The following SCN1A variants were observed in gnomAD, a reference collection of about 807,000 sequenced individuals.
The protein encoded by SCN1A is sodium voltage-gated channel alpha subunit 1, also known as sodium channel protein type 1 subunit alpha.
Under a neutral mutation model 193.7 loss-of-function variants are expected in SCN1A, and 13 were observed. That is an observed-to-expected ratio of 0.07 (90% CI 0.04 to 0.11). The LOEUF (loss-of-function observed/expected upper bound fraction) is 0.11. SCN1A is among the 10% of genes least tolerant of loss of function. The probability of loss-of-function intolerance (pLI) is 1.00; values close to 1 mark genes in which losing one functional copy is unlikely to be tolerated. For missense variants in SCN1A, 1,432 were observed against 2,451.1 expected, an observed-to-expected ratio of 0.58 and a Z score of 8.78; for synonymous variants, 781 against 843.6, an observed-to-expected ratio of 0.93 and a Z score of 1.29.
rs150154265 is a variant in SCN1A at position 166,036,417 on chromosome 2, G to T, written c.3060C>A (p.His1020Gln). ...NNLQIAVDRM[H>Q]KGVAYVKRKI... ...TTCTTTTCACATAAGCTACTCCTTT[G>T]TGCATCCTATCCACAGCAATTTGGA... Residue 1020 changes from histidine (H) to glutamine (Q), a missense_variant, in exon 19 of 29, where the codon CAC becomes CAA. This residue lies in a region of SCN1A where 198 missense variants were observed against 225.8 expected (regional missense o/e 0.88). Transcript: ENST00000674923. 46 of 1,603,624 alleles carry T rather than the reference G, an allele frequency of 2.9e-5. No homozygotes were observed. The highest frequency in any genetic ancestry group is 3.7e-5 in the Non-Finnish European group (44 of 1,176,834).
At chr2:166,085,655 A>G (rs1686033462) in intron 2 of SCN1A, among the ~76,000 whole-genome samples, 1 of 152,064 alleles carries the variant, frequency 6.6e-6, no homozygotes. Context: ...GTTGAGCACA[A>G]ATTAACTACC....
intron 2 of SCN1A, among the ~76,000 whole-genome samples, chr2:166,080,682 G>A (rs1198804180): frequency 6.6e-6 from 1 of 151,052 alleles, no homozygotes; most frequent in Non-Finnish European, 1.5e-5. Context: ...GATCATGGGG[G>A]AAAAAAAAGA....
chr2:166,066,258 C>T (rs1463520717), intron 4 of SCN1A, among the ~76,000 whole-genome samples: 1 of 152,118 alleles, frequency 6.6e-6, no homozygotes, highest in Non-Finnish European at 1.5e-5. Flanking sequence ...AGCCCTATAT[C>T]ATCAGAATGT....
At chr2:166,012,602 C>T (rs1343814466) in intron 21 of SCN1A, among the ~76,000 whole-genome samples, 2 of 126,000 alleles carry the variant, frequency 1.6e-5, no homozygotes, top group Non-Finnish European at 3.3e-5. Context: ...ATTTTGCTTC[C>T]TTCTATTGGC....
At chr2:166,133,260 TTA>T (rs1370398732) in intron 1 of SCN1A, among the ~76,000 whole-genome samples, 1 of 152,186 alleles carries the variant, frequency 6.6e-6, no homozygotes, top group Non-Finnish European at 1.5e-5. Context: ...GAAGCCAGAA[TTA>T]TGTCTGCAGG....
intron 23 of SCN1A, chr2:166,009,270 T>G (rs1692080818): frequency 6.6e-6 from 1 of 151,526 alleles, no homozygotes; most frequent in African/African-American, 2.4e-5. Flanking sequence ...TTTTAACAAC[T>G]CCTTTCATTT....
chr2:166,009,711 T>C lies in SCN1A; in HGVS notation c.4002+8A>G, dbSNP rs762574934. The C allele has an allele frequency of 3.7e-6, 6 of 1,602,272 alleles. No individual in the cohort carries two copies. In the African/African-American group the frequency reaches 5.4e-5, roughly 14 times the overall value. On this transcript the variant is annotated splice_region_variant and intron_variant, in intron 23 of 28. Transcript: ENST00000674923. Reference sequence around the variant, plus strand: ...ATACAATACTTCAGGTTCTTTCATTTTTCTTACCCTCATCCCTTCAAATCG... The same window carrying C: ...ATACAATACTTCAGGTTCTTTCATTCTTCTTACCCTCATCCCTTCAAATCG...
At chr2:166,103,318 G>A (rs1027654459) in intron 2 of SCN1A, among the ~76,000 whole-genome samples, 1 of 152,012 alleles carries the variant, frequency 6.6e-6, no homozygotes, top group Non-Finnish European at 1.5e-5. Context: ...GGGCATGGTG[G>A]CAGGCACCTG....
intron 19 of SCN1A, among the ~76,000 whole-genome samples, chr2:166,033,967 A>G (rs17792698): frequency 0.74 from 112,058 of 151,962 alleles, 41,703 homozygotes; most frequent in East Asian, 0.89. Context: ...AAGTTCAGAA[A>G]CAATTTTATA....
At chr2:166,024,903 CT>C (rs1694544999) in intron 19 of SCN1A, among the ~76,000 whole-genome samples, 1 of 152,226 alleles carries the variant, frequency 6.6e-6, no homozygotes, top group East Asian at 1.9e-4. Context: ...ATTCACCCAC[CT>C]TGGCCTCCCA....
At chr2:166,115,168 G>A (rs1186521012) in intron 2 of SCN1A, among the ~76,000 whole-genome samples, 4 of 152,010 alleles carry the variant, frequency 2.6e-5, no homozygotes, top group Non-Finnish European at 1.5e-5. Flanking sequence ...GACCAGCCTG[G>A]TCAACATGAT....
At chr2:166,046,696 A>G in intron 12 of SCN1A, 74 bp downstream of exon 12, 2 of 1,334,330 alleles carry the variant, frequency 1.5e-6, no homozygotes, top group Non-Finnish European at 2.2e-6. Flanking sequence ...GCTCTTAGGT[A>G]CTCACTTTCT....
chr2:166,111,119 T>G (rs915950475), intron 2 of SCN1A, among the ~76,000 whole-genome samples: 4 of 152,206 alleles, frequency 2.6e-5, no homozygotes, highest in Admixed American at 6.5e-5. Flanking sequence ...AACAACAGAT[T>G]TTCAATATAG....
Position 165,998,183 on chromosome 2 carries a change from A to C in SCN1A, c.4339-8T>G. The C allele has an allele frequency of 6.2e-7, 1 of 1,600,784 alleles. No homozygotes were observed. The highest frequency in any genetic ancestry group is 8.5e-7 in the Non-Finnish European group (1 of 1,170,672). On this transcript the variant is annotated splice_polypyrimidine_tract_variant and splice_region_variant and intron_variant, in intron 25 of 28. Transcript: ENST00000674923. ...CTTAGGCTGGAGTTCCACCTACCAA[A>C]GGGGAATATTTTGTAAAATATTACC...
rs886055037 is a variant in SCN1A, at chr2:165,990,366, T to TA, written c.*878dup. ...GGAAAAAGCAGAAATTTATAAAGAG[T>TA]AATTTTGGTCAATTCAGTCTTCTGG... On this transcript the variant is annotated 3_prime_UTR_variant, in exon 29 of 29. Transcript: ENST00000674923. The TA allele has an allele frequency of 9.9e-5, 15 of 152,222 alleles. 1 individual carries two copies. The highest frequency in any genetic ancestry group is 6.3e-4 in the South Asian group (3 of 4,794). 9.4% of individuals were successfully genotyped at this position (152,222 alleles called of 1,614,324 possible). A position where few individuals can be genotyped will look rare whatever the true frequency, so the allele number is the denominator to read the frequency against.
intron 17 of SCN1A, among the ~76,000 whole-genome samples, chr2:166,038,791 A>G (rs1696782332): frequency 6.6e-6 from 1 of 152,230 alleles, no homozygotes; most frequent in Admixed American, 6.5e-5. Flanking sequence ...GCAAAGTAAC[A>G]TCATACTGAG....
At chr2:166,035,495 A>C (rs1696208380) in intron 19 of SCN1A, among the ~76,000 whole-genome samples, 1 of 152,190 alleles carries the variant, frequency 6.6e-6, no homozygotes, top group South Asian at 2.1e-4. Flanking sequence ...AATACAGGCA[A>C]TATAATGCAT....
At chr2:166,102,360 G>A (rs1341776025) in intron 2 of SCN1A, among the ~76,000 whole-genome samples, 1 of 152,010 alleles carries the variant, frequency 6.6e-6, no homozygotes, top group Non-Finnish European at 1.5e-5. Flanking sequence ...GCCGGGTGTG[G>A]TGGTGGGCGC....
intron 1 of SCN1A, among the ~76,000 whole-genome samples, chr2:166,138,934 T>C (rs4578871): frequency 0.77 from 117,232 of 152,046 alleles, 45,858 homozygotes; most frequent in African/African-American, 0.9. Flanking sequence ...TCAACGTGAC[T>C]TGGATGTGAG....
Sources: allele counts gnomAD v4.1 joint callset (sites outside exome capture counted in the v4.1 genomes callset), GRCh38; gene constraint gnomAD v4.1.1; regional missense constraint gnomAD v4.1.1; transcripts MANE v1.5; gene names NCBI Gene and HGNC (gene_info 2026-07-23, HGNC 2026-07-21).